ASPRV1: variants seen among roughly 807,000 people sequenced by gnomAD.
The protein encoded by ASPRV1 is retroviral-like aspartic protease 1.
Under a neutral mutation model 11.0 loss-of-function variants are expected in ASPRV1, and 7 were observed. The ratio of observed to expected loss-of-function variants is 0.64; its 90% confidence interval spans 0.36 to 1.20. The LOEUF (loss-of-function observed/expected upper bound fraction) is 1.20. Among genes scored for constraint, ASPRV1 ranks in the 50% most tolerant of loss-of-function variants. The pLI, the probability that ASPRV1 is intolerant of heterozygous loss-of-function variation, is 0.02. For missense variants in ASPRV1, 299 were observed against 320.0 expected, an observed-to-expected ratio of 0.93 and a Z score of 0.50; for synonymous variants, 136 against 138.4, an observed-to-expected ratio of 0.98 and a Z score of 0.12.
chr2:70,031,415 GGGCTGGGTGCAGT>G, the ASPRV1 span: 1 of 152,272 alleles, frequency 6.6e-6, no homozygotes, highest in Admixed American at 6.5e-5. Flanking sequence ...GAAAACCTGA[GGGCTGGGTGCAGT>G]GGCTCACACC....
At chr2:70,008,558 A>G in the ASPRV1 span, among the ~76,000 whole-genome samples, 1 of 152,018 alleles carries the variant, frequency 6.6e-6, no homozygotes, top group Non-Finnish European at 1.5e-5. Flanking sequence ...TGTGGGCCGC[A>G]TGCAGCCCAG....
downstream of ASPRV1, among the ~76,000 whole-genome samples, chr2:69,956,335 C>T (rs1677934786): frequency 6.6e-6 from 1 of 151,804 alleles, no homozygotes; most frequent in Non-Finnish European, 1.5e-5. Context: ...GTAAGCCCAG[C>T]TACTTTGGAG....
the ASPRV1 span, chr2:70,085,422 G>A: frequency 3.9e-5 from 6 of 152,266 alleles, no homozygotes; most frequent in East Asian, 1.9e-4. Flanking sequence ...ATACAAAAAG[G>A]GGCTGACTGC....
At chr2:69,937,733 G>A in the ASPRV1 span, among the ~76,000 whole-genome samples, 2 of 152,166 alleles carry the variant, frequency 1.3e-5, no homozygotes, top group African/African-American at 4.8e-5. Flanking sequence ...CCCTGCCTAA[G>A]CCTCCCAAGC....
the ASPRV1 span, among the ~76,000 whole-genome samples, chr2:70,008,890 A>G: frequency 6.6e-6 from 1 of 152,182 alleles, no homozygotes; most frequent in Admixed American, 6.5e-5. Flanking sequence ...CAAGGCATTC[A>G]GTCTGTGCAA....
At chr2:70,044,622 G>A in the ASPRV1 span, among the ~76,000 whole-genome samples, 1 of 152,306 alleles carries the variant, frequency 6.6e-6, no homozygotes, top group South Asian at 2.1e-4. Flanking sequence ...ACCACGCCCA[G>A]CTAATTTTGT....
chr2:69,989,268 A>T, the ASPRV1 span, among the ~76,000 whole-genome samples: 2 of 152,366 alleles, frequency 1.3e-5, no homozygotes, highest in East Asian at 3.9e-4. Context: ...TGATTTTGGC[A>T]TTGGAAACCT....
At chr2:69,937,661 C>G in the ASPRV1 span, among the ~76,000 whole-genome samples, 4 of 152,222 alleles carry the variant, frequency 2.6e-5, no homozygotes, top group Non-Finnish European at 5.9e-5. Flanking sequence ...GTCACCCAGG[C>G]TGGAGTGCAG....
At chr2:69,947,627 A>G in the ASPRV1 span, among the ~76,000 whole-genome samples, 4 of 152,170 alleles carry the variant, frequency 2.6e-5, no homozygotes, top group Non-Finnish European at 5.9e-5. Context: ...ACAAGAGGAT[A>G]CTGCCATGCG....
the ASPRV1 span, among the ~76,000 whole-genome samples, chr2:69,973,277 C>T: frequency 6.6e-6 from 1 of 152,180 alleles, no homozygotes; most frequent in African/African-American, 2.4e-5. Context: ...ACAGTTGTAA[C>T]TGATAAATGA....
At chr2:69,956,752 C>A (rs1376356535), downstream of ASPRV1, among the ~76,000 whole-genome samples, 1 of 152,118 alleles carries the variant, frequency 6.6e-6, no homozygotes, top group Non-Finnish European at 1.5e-5. Flanking sequence ...AAAAACCTGG[C>A]AAACAGCATT....
the ASPRV1 span, among the ~76,000 whole-genome samples, chr2:70,036,825 G>A: frequency 2.0e-5 from 3 of 152,046 alleles, no homozygotes; most frequent in East Asian, 3.9e-4. Context: ...GAGCCACTGC[G>A]CCTGGCCTAA....
At chr2:70,084,203 C>T in the ASPRV1 span, among the ~76,000 whole-genome samples, 1 of 152,042 alleles carries the variant, frequency 6.6e-6, no homozygotes. Flanking sequence ...GAAAGAAAGA[C>T]CTGACAGATA....
At chr2:69,993,058 G>A in the ASPRV1 span, among the ~76,000 whole-genome samples, 5 of 152,200 alleles carry the variant, frequency 3.3e-5, no homozygotes, top group African/African-American at 7.2e-5. Context: ...CAGTCACTCA[G>A]GGTGATTCAC....
the ASPRV1 span, chr2:70,071,629 C>T: frequency 6.6e-6 from 1 of 152,098 alleles, no homozygotes; most frequent in Non-Finnish European, 1.5e-5. Flanking sequence ...GTAATCCCAG[C>T]TACTCAGGAG....
chr2:70,029,450 C>T, the ASPRV1 span, among the ~76,000 whole-genome samples: 1 of 151,980 alleles, frequency 6.6e-6, no homozygotes, highest in Admixed American at 6.6e-5. Context: ...ACCATTCTGG[C>T]CAACATGGTG....
the ASPRV1 span, chr2:69,939,442 G>A: frequency 6.6e-6 from 1 of 152,530 alleles, no homozygotes; most frequent in Non-Finnish European, 1.5e-5. Flanking sequence ...AGTGGTCTCC[G>A]ACTTTGTAGC....
At chr2:70,043,643 C>T in the ASPRV1 span, among the ~76,000 whole-genome samples, 7 of 152,256 alleles carry the variant, frequency 4.6e-5, no homozygotes, top group Non-Finnish European at 8.8e-5. Context: ...TCCGTGACCA[C>T]CAGCCACAAA....
At chr2:69,982,820 C>A in the ASPRV1 span, among the ~76,000 whole-genome samples, 2 of 152,334 alleles carry the variant, frequency 1.3e-5, no homozygotes, top group African/African-American at 4.8e-5. Flanking sequence ...ATGCCCTGAG[C>A]AGATGGCATC....
Sources: allele counts gnomAD v4.1 joint callset (sites outside exome capture counted in the v4.1 genomes callset), GRCh38; gene constraint gnomAD v4.1.1; transcripts MANE v1.5; gene names NCBI Gene and HGNC (gene_info 2026-07-23, HGNC 2026-07-21).